The following DLG2 variants were observed in gnomAD, a reference collection of about 807,000 sequenced individuals.
The protein encoded by DLG2 is discs large MAGUK scaffold protein 2.
Under a neutral mutation model 132.5 loss-of-function variants are expected in DLG2, and 45 were observed. That is an observed-to-expected ratio of 0.34 (90% CI 0.27 to 0.44). DLG2 has a LOEUF of 0.44. DLG2 is among the 20% of genes least tolerant of loss of function. The pLI, the probability that DLG2 is intolerant of heterozygous loss-of-function variation, is 1.00. For missense variants in DLG2, 1,045 were observed against 1,196.9 expected, an observed-to-expected ratio of 0.87 and a Z score of 1.87; for synonymous variants, 424 against 419.6, an observed-to-expected ratio of 1.01 and a Z score of -0.13.
chr11:85,085,164 GA>G (rs980892524), intron 6 of DLG2, among the ~76,000 whole-genome samples: 2 of 152,116 alleles, frequency 1.3e-5, no homozygotes, highest in Non-Finnish European at 2.9e-5. Flanking sequence ...GTATTACTGA[GA>G]AATATGAGGT....
intron 6 of DLG2, among the ~76,000 whole-genome samples, chr11:84,886,565 C>T (rs1274311433): frequency 6.6e-6 from 1 of 152,064 alleles, no homozygotes; most frequent in African/African-American, 2.4e-5. Context: ...CTCATGAGAT[C>T]ATTTATATTT....
At chr11:83,633,093 G>C (rs2063850609) in intron 19 of DLG2, 118 bp downstream of exon 19, 1 of 798,696 alleles carries the variant, frequency 1.3e-6, no homozygotes, top group East Asian at 2.6e-5. Context: ...TCTTTCAGTA[G>C]TGTACTGATG....
At chr11:83,724,963 G>T (rs890022710) in intron 18 of DLG2, 2 of 701,524 alleles carry the variant, frequency 2.9e-6, no homozygotes, top group Non-Finnish European at 5.2e-6. Context: ...TATAAACTCC[G>T]CCTGGCCAGC....
intron 7 of DLG2, among the ~76,000 whole-genome samples, chr11:84,352,884 G>A (rs573297962): frequency 3.3e-5 from 5 of 152,080 alleles, no homozygotes; most frequent in African/African-American, 9.6e-5. Context: ...TAAATCTCAG[G>A]GACAGCTAAA....
At chr11:84,982,244 G>T (rs2055860974) in intron 6 of DLG2, among the ~76,000 whole-genome samples, 1 of 151,940 alleles carries the variant, frequency 6.6e-6, no homozygotes, top group African/African-American at 2.4e-5. Context: ...CCTTCTCTGA[G>T]TACCCAACTG....
intron 3 of DLG2, among the ~76,000 whole-genome samples, chr11:85,299,371 G>A (rs764731588): frequency 3.3e-5 from 5 of 152,016 alleles, no homozygotes; most frequent in Non-Finnish European, 7.4e-5. Context: ...TCTTTGTTTT[G>A]CTCTGGGTTA....
chr11:84,410,352 A>G (rs2098893521), intron 7 of DLG2, among the ~76,000 whole-genome samples: 1 of 152,080 alleles, frequency 6.6e-6, no homozygotes. Flanking sequence ...GAGCATTTCA[A>G]TCTTCATTTT....
intron 19 of DLG2, among the ~76,000 whole-genome samples, chr11:83,573,629 A>T (rs1245564822): frequency 6.6e-6 from 1 of 152,174 alleles, no homozygotes; most frequent in Non-Finnish European, 1.5e-5. Flanking sequence ...TAAAGGTAAC[A>T]TTTTATTGAG....
At chr11:85,117,597 T>C (rs144463429) in intron 5 of DLG2, among the ~76,000 whole-genome samples, 17 of 78,682 alleles carry the variant, frequency 2.2e-4, no homozygotes, top group African/African-American at 9.1e-4. Context: ...AACCAACTAG[T>C]AAATAGGTAA....
At chr11:84,260,318 C>A (rs2097534601) in intron 7 of DLG2, among the ~76,000 whole-genome samples, 1 of 152,124 alleles carries the variant, frequency 6.6e-6, no homozygotes, top group Non-Finnish European at 1.5e-5. Flanking sequence ...TAGAATCAAT[C>A]CTATTTGGAT....
At chr11:84,332,956 A>G (rs1489062622) in intron 7 of DLG2, among the ~76,000 whole-genome samples, 2 of 152,200 alleles carry the variant, frequency 1.3e-5, no homozygotes, top group South Asian at 2.1e-4. Flanking sequence ...GCTACAATAC[A>G]GACTCTTGTT....
chr11:84,788,488 C>T (rs1458644066), intron 6 of DLG2, among the ~76,000 whole-genome samples: 2 of 152,108 alleles, frequency 1.3e-5, no homozygotes, highest in Non-Finnish European at 2.9e-5. Context: ...TCTCCACATA[C>T]ATTCATACCT....
rs561161127 is a variant in DLG2, at chr11:85,558,611, T to C, written c.40+40046A>G. 1.9e-4 allele frequency among the ~76,000 whole-genome samples: 29 copies of C among 151,862 alleles called. 3 individuals are homozygous for C. In the South Asian group the frequency reaches 6.1e-3, roughly 32 times the overall value. On this transcript the variant is annotated intron_variant, in intron 3 of 27. Transcript: ENST00000376104. ...TACACCGTGGAATACTATGCAGCCA[T>C]GAAAAAGAATGAAATCATGCCCTTT...
At position 84,759,039 on chromosome 11, in the gene DLG2, G is replaced by C. The variant is rs1030287776; in HGVS notation, c.358-224308C>G. On this transcript the variant is annotated intron_variant, in intron 6 of 27. Transcript: ENST00000376104. ...ACTACAGGCACGCACCACCATGCCT[G>C]GCTAATTTTTGTATTTTTAGTAGAG... Among the ~76,000 whole-genome samples, 26 of 151,934 alleles carry C rather than the reference G, an allele frequency of 1.7e-4. 1 individual carries two copies. Among genetic ancestry groups the C allele is most frequent in the Non-Finnish European group, 2.8e-4 (19 of 67,978 alleles).
At chr11:83,963,890 A>G (rs2089553741) in intron 13 of DLG2, among the ~76,000 whole-genome samples, 1 of 151,950 alleles carries the variant, frequency 6.6e-6, no homozygotes, top group African/African-American at 2.4e-5. Context: ...CTGAAATGCC[A>G]TCCTATGCAT....
intron 11 of DLG2, among the ~76,000 whole-genome samples, chr11:83,988,146 C>T (rs2093461113): frequency 6.6e-6 from 1 of 151,984 alleles, no homozygotes; most frequent in African/African-American, 2.4e-5. Flanking sequence ...TAATTAAATC[C>T]TGTTTGTCAA....
intron 6 of DLG2, among the ~76,000 whole-genome samples, chr11:84,852,497 G>A (rs115283449): frequency 5.3e-4 from 81 of 152,068 alleles, no homozygotes; most frequent in African/African-American, 1.8e-3. Context: ...GAATGTCACC[G>A]GCATGGGTGT....
At chr11:84,962,175 C>T (rs1011406380) in intron 6 of DLG2, among the ~76,000 whole-genome samples, 1 of 152,252 alleles carries the variant, frequency 6.6e-6, no homozygotes, top group Non-Finnish European at 1.5e-5. Context: ...CTACCATTTA[C>T]AGATAGCATA....
intron 6 of DLG2, among the ~76,000 whole-genome samples, chr11:84,983,842 A>T (rs1343335934): frequency 6.6e-6 from 1 of 152,216 alleles, no homozygotes; most frequent in Non-Finnish European, 1.5e-5. Context: ...ATTTATAGAA[A>T]TGCAAAATGC....
Sources: allele counts gnomAD v4.1 joint callset (sites outside exome capture counted in the v4.1 genomes callset), GRCh38; gene constraint gnomAD v4.1.1; transcripts MANE v1.5; gene names NCBI Gene and HGNC (gene_info 2026-07-23, HGNC 2026-07-21).